PTPRA: variants seen among roughly 807,000 people sequenced by gnomAD.
PTPRA encodes receptor-type tyrosine-protein phosphatase alpha.
In PTPRA, 25 loss-of-function variants were observed where a neutral mutation model predicts 104.8. The observed-to-expected ratio is 0.24, with a 90% CI of 0.17 to 0.33. The LOEUF is 0.33. PTPRA is among the 10% of genes least tolerant of loss of function. The probability of loss-of-function intolerance (pLI) is 1.00; values close to 1 mark genes in which losing one functional copy is unlikely to be tolerated. For synonymous variants in PTPRA, 323 were observed against 368.9 expected (o/e 0.88, Z 1.43); for missense variants, 765 against 1,015.3 (o/e 0.75, Z 3.35).
intron 9 of PTPRA, among the ~76,000 whole-genome samples, chr20:2,996,554 C>T (rs2063401908): frequency 6.6e-6 from 1 of 152,118 alleles, no homozygotes; most frequent in Non-Finnish European, 1.5e-5. Flanking sequence ...ATCTTTGTGA[C>T]AAATGATGTC....
In PTPRA at chr20:3,035,952, C is replaced by A. The variant is rs564953389; in HGVS notation, c.2198+11C>A. 1.2e-6 allele frequency: 2 copies of A among 1,613,190 alleles called. No individual in the cohort carries two copies. The highest frequency in any genetic ancestry group is 2.2e-5 in the South Asian group (2 of 91,026). The stretch of plus-strand genomic sequence containing the variant: ...CACCGTGCACTGCAGGTATGGCTCA[C>A]CCTTGCCCTCAGCGGGAGAGAGAAA... On this transcript the variant is annotated intron_variant, in intron 22 of 23. Transcript: ENST00000399903. The surrounding 1 kb of genome is among the most constrained non-coding windows in gnomAD (Gnocchi z 5.8).
chr20:2,883,186 A>G (rs1390773105), intron 1 of PTPRA, among the ~76,000 whole-genome samples: 17 of 152,056 alleles, frequency 1.1e-4, no homozygotes, highest in Non-Finnish European at 2.4e-4. Context: ...AAATAGTACA[A>G]AATCTGAAAA....
chr20:2,948,765 C>T (rs1052055933), intron 3 of PTPRA, among the ~76,000 whole-genome samples: 9 of 152,126 alleles, frequency 5.9e-5, no homozygotes, highest in African/African-American at 1.9e-4. Flanking sequence ...TCCTGGCTAA[C>T]ACAGTGAAAC....
At chr20:3,004,482 A>C (rs956452419) in intron 9 of PTPRA, among the ~76,000 whole-genome samples, 1 of 152,160 alleles carries the variant, frequency 6.6e-6, no homozygotes, top group Non-Finnish European at 1.5e-5. Flanking sequence ...ACCTCACCCA[A>C]ATCTTCTGCT....
chr20:2,939,291 T>C (rs1474993000), intron 2 of PTPRA, among the ~76,000 whole-genome samples: 2 of 152,232 alleles, frequency 1.3e-5, no homozygotes, highest in Non-Finnish European at 2.9e-5. Context: ...CCATAATCCT[T>C]TCCCAATTCT....
At chr20:3,003,882 A>C (rs1302981893) in intron 9 of PTPRA, among the ~76,000 whole-genome samples, 1 of 151,694 alleles carries the variant, frequency 6.6e-6, no homozygotes, top group African/African-American at 2.4e-5. Flanking sequence ...TATGAAACAT[A>C]CAAGAGGAGA....
intron 20 of PTPRA, among the ~76,000 whole-genome samples, chr20:3,029,716 C>G (rs537921061): frequency 1.3e-5 from 2 of 151,608 alleles, no homozygotes; most frequent in African/African-American, 4.8e-5. Context: ...TTTGTAGGCA[C>G]GGGGTTTCAC....
intron 2 of PTPRA, among the ~76,000 whole-genome samples, chr20:2,944,587 T>A (rs1452182218): frequency 6.6e-6 from 1 of 152,192 alleles, no homozygotes; most frequent in Admixed American, 6.5e-5. Flanking sequence ...TTCTGCATTT[T>A]ATTGGTTTAA....
chr20:2,915,081 C>T (rs966244009), intron 1 of PTPRA, among the ~76,000 whole-genome samples: 1 of 144,978 alleles, frequency 6.9e-6, no homozygotes, highest in African/African-American at 2.5e-5. Context: ...CATTCTTCTT[C>T]TTTTTTTTTT....
chr20:3,005,668 T>C (rs575077294), intron 10 of PTPRA, among the ~76,000 whole-genome samples: 1 of 152,234 alleles, frequency 6.6e-6, no homozygotes. Context: ...CAGAGTCAAT[T>C]AGGATGATCC....
At chr20:2,925,270 G>C (rs1351766256) in intron 2 of PTPRA, among the ~76,000 whole-genome samples, 1 of 152,106 alleles carries the variant, frequency 6.6e-6, no homozygotes, top group South Asian at 2.1e-4. Flanking sequence ...CCTCGTATAA[G>C]TGGAATCATA....
chr20:2,899,588 A>T (rs1448999189), intron 1 of PTPRA, among the ~76,000 whole-genome samples: 1 of 152,200 alleles, frequency 6.6e-6, no homozygotes, highest in Non-Finnish European at 1.5e-5. Context: ...CAGAGATGGT[A>T]TGAATGTAAA....
chr20:3,019,256 C>T (rs1443801671), intron 13 of PTPRA, among the ~76,000 whole-genome samples: 1 of 146,286 alleles, frequency 6.8e-6, no homozygotes, highest in African/African-American at 2.5e-5. Flanking sequence ...GGGGGGCTGA[C>T]CCCCCCACCT....
intron 9 of PTPRA, among the ~76,000 whole-genome samples, chr20:3,000,144 C>T (rs1214772645): frequency 6.6e-6 from 1 of 151,910 alleles, no homozygotes; most frequent in South Asian, 2.1e-4. Context: ...AAAAATTAGC[C>T]AGGTGTGGTG....
Position 3,017,710 on chromosome 20 carries a change from G to T in PTPRA, c.944-106G>T, listed in dbSNP as rs2064536166. The T allele has an allele frequency of 5.8e-6, 5 of 865,350 alleles. No homozygotes were observed. The South Asian group carries it at 6.0e-5, about 10-fold the overall frequency. The allele number at this position is 865,350 out of a possible 1,614,324, so 53.6% of individuals were successfully genotyped here. ...TACATGGGTTAGATATTTAGCTGGG[G>T]ACATTTGGGCACAAGCTTCCAAAAG... On this transcript the variant is annotated intron_variant, in intron 12 of 23. Coordinates refer to ENST00000399903, the MANE Select transcript of PTPRA (RefSeq NM_001385305.1).
chr20:2,979,891 G>GT (rs944121728), intron 6 of PTPRA, among the ~76,000 whole-genome samples: 2 of 150,930 alleles, frequency 1.3e-5, no homozygotes, highest in Admixed American at 6.6e-5. Context: ...TCATGTTGGT[G>GT]TTTTTTTGTT....
At chr20:2,866,477 C>T in the PTPRA span, 18 of 1,614,082 alleles carry the variant, frequency 1.1e-5, no homozygotes, top group Non-Finnish European at 1.5e-5. Context: ...CGGAATGAGG[C>T]TGAGCTGAGC....
intron 2 of PTPRA, among the ~76,000 whole-genome samples, chr20:2,928,292 C>A (rs1568657210): frequency 1.3e-5 from 2 of 152,090 alleles, no homozygotes; most frequent in East Asian, 3.9e-4. Context: ...CCTGTCACCA[C>A]GCCTGGCTAA....
intron 1 of PTPRA, among the ~76,000 whole-genome samples, chr20:2,901,573 T>C (rs2059239120): frequency 6.6e-6 from 1 of 152,210 alleles, no homozygotes; most frequent in South Asian, 2.1e-4. Flanking sequence ...TTGTAAGTTC[T>C]TGCCTTAGAA....
Sources: allele counts gnomAD v4.1 joint callset (sites outside exome capture counted in the v4.1 genomes callset), GRCh38; gene constraint gnomAD v4.1.1; non-coding constraint Gnocchi (gnomAD v3.1); transcripts MANE v1.5; gene names NCBI Gene and HGNC (gene_info 2026-07-23, HGNC 2026-07-21).